Variants in PRKRIP1 observed in about 807,000 individuals in gnomAD.
PRKRIP1 encodes the protein PRKR-interacting protein 1.
A neutral mutation model predicts 29.3 loss-of-function variants in PRKRIP1; 29 were observed. The observed-to-expected ratio is 0.99, with a 90% confidence interval of 0.74 to 1.35. The LOEUF (loss-of-function observed/expected upper bound fraction) is 1.35, where lower values mean the gene tolerates loss of function less well. Ranked by LOEUF, PRKRIP1 falls within the 40% of genes most tolerant of loss-of-function variation. The pLI, the probability that PRKRIP1 is intolerant of heterozygous loss-of-function variation, is 0.00. For missense variants in PRKRIP1, 247 were observed against 236.8 expected, an observed-to-expected ratio of 1.04 and a Z score of -0.28; for synonymous variants, 90 against 85.1, an observed-to-expected ratio of 1.06 and a Z score of -0.32.
At chr7:102,407,411 T>G in intron 4 of PRKRIP1, 23 bp from the exon 5 acceptor site, 1 of 1,476,718 alleles carries the variant, frequency 6.8e-7, no homozygotes. Context: ...AAGGAATCAA[T>G]GTATATGGTT....
chr7:102,424,177 G>T (rs911403789), intron 5 of PRKRIP1, among the ~76,000 whole-genome samples: 1 of 152,264 alleles, frequency 6.6e-6, no homozygotes, highest in East Asian at 1.9e-4. Context: ...GAGGCCCTTT[G>T]TCTGACCTTT....
At chr7:102,419,972 C>G (rs1373046106) in intron 5 of PRKRIP1, among the ~76,000 whole-genome samples, 5 of 151,854 alleles carry the variant, frequency 3.3e-5, no homozygotes, top group African/African-American at 1.2e-4. Context: ...CCTCCGCCCC[C>G]TGGGTTCACA....
intron 5 of PRKRIP1, among the ~76,000 whole-genome samples, chr7:102,414,579 T>C (rs1411596744): frequency 6.6e-6 from 1 of 151,994 alleles, no homozygotes; most frequent in Non-Finnish European, 1.5e-5. Context: ...CTTTCTGGGG[T>C]GATAGATTAA....
At chr7:102,399,440 G>C (rs1554570900) in intron 2 of PRKRIP1, 108 bp from the exon 3 acceptor site, 1 of 810,682 alleles carries the variant, frequency 1.2e-6, no homozygotes, top group Non-Finnish European at 2.1e-6. Flanking sequence ...AGGAAGGCAT[G>C]GTCCCTTCCA....
intron 5 of PRKRIP1, among the ~76,000 whole-genome samples, chr7:102,420,149 G>T (rs1796658326): frequency 6.6e-6 from 1 of 152,144 alleles, no homozygotes; most frequent in Admixed American, 6.5e-5. Flanking sequence ...GCCTCCCAAA[G>T]TGCTGGGATT....
chr7:102,423,942 G>GT lies in PRKRIP1; in HGVS notation c.458-1071dup, dbSNP rs1276193223. On this transcript the variant is annotated intron_variant, in intron 5 of 5. Transcript: ENST00000397912. The stretch of plus-strand genomic sequence containing the variant: ...CTCCCAAAGTGCTGGGATTACAGGT[G>GT]TGTGCCATTGCACCCGGCTTCCCCG... Among the ~76,000 whole-genome samples the GT allele has an allele frequency of 5.9e-5, 9 of 152,362 alleles. No homozygotes were observed. In the East Asian group the frequency reaches 1.7e-3, roughly 29 times the overall value.
At chr7:102,399,699 G>C in intron 3 of PRKRIP1, 51 bp downstream of exon 3, 1 of 1,429,688 alleles carries the variant, frequency 7.0e-7, no homozygotes, top group South Asian at 1.1e-5. Flanking sequence ...CAGTGTGCGT[G>C]TACTTTCTTT....
rs895247532 is a variant in PRKRIP1 at position 102,396,400 on chromosome 7, T to A, written c.-12T>A. The A allele has an allele frequency of 8.4e-6, 13 of 1,543,962 alleles. No homozygotes were observed. The highest frequency in any genetic ancestry group is 1.1e-5 in the Non-Finnish European group (13 of 1,152,102). On this transcript the variant is annotated 5_prime_UTR_variant, in exon 1 of 6. Coordinates refer to ENST00000397912, the MANE Select transcript of PRKRIP1 (RefSeq NM_024653.4). Reference sequence around the variant, plus strand: ...CGACGCCGCCGCTCGCTTGTGAAACTGGAAGGCTGCCATGGCTAGCCCAGC... The same window carrying A: ...CGACGCCGCCGCTCGCTTGTGAAACAGGAAGGCTGCCATGGCTAGCCCAGC...
intron 4 of PRKRIP1, 46 bp from the exon 5 acceptor site, chr7:102,407,388 C>G (rs1796261067): frequency 8.1e-7 from 1 of 1,241,424 alleles, no homozygotes; most frequent in Non-Finnish European, 1.2e-6. Flanking sequence ...CTAAAATATA[C>G]CATAATGTAG....
intron 5 of PRKRIP1, among the ~76,000 whole-genome samples, chr7:102,413,960 GCTCACAC>G (rs1796465169): frequency 6.6e-6 from 1 of 152,178 alleles, no homozygotes; most frequent in African/African-American, 2.4e-5. Flanking sequence ...AGGTGCGGCG[GCTCACAC>G]CTGTAATCAT....
chr7:102,416,683 G>GT (rs11455142), intron 5 of PRKRIP1, among the ~76,000 whole-genome samples: 119,509 of 143,068 alleles, frequency 0.84, 49,511 homozygotes, highest in East Asian at 0.99. Context: ...TTTGTGGGGT[G>GT]TTTTTTTTTT....
At chr7:102,408,564 C>G (rs571387886) in intron 5 of PRKRIP1, among the ~76,000 whole-genome samples, 7 of 152,296 alleles carry the variant, frequency 4.6e-5, no homozygotes, top group African/African-American at 1.7e-4. Context: ...GGGGCCCCAG[C>G]TGGAAAGGGC....
intron 5 of PRKRIP1, among the ~76,000 whole-genome samples, chr7:102,424,227 C>T (rs782315336): frequency 5.0e-4 from 76 of 152,332 alleles, no homozygotes; most frequent in Non-Finnish European, 5.6e-4. Flanking sequence ...CTGTAGTGGG[C>T]GTGTGGGTGG....
At chr7:102,415,741 C>T (rs1054017247) in intron 5 of PRKRIP1, among the ~76,000 whole-genome samples, 5 of 152,248 alleles carry the variant, frequency 3.3e-5, no homozygotes, top group South Asian at 4.1e-4. Context: ...AGGCACCATG[C>T]GGTGATGGCA....
intron 3 of PRKRIP1, among the ~76,000 whole-genome samples, chr7:102,401,744 AAAAC>A (rs1796079489): frequency 6.6e-6 from 1 of 152,008 alleles, no homozygotes; most frequent in Non-Finnish European, 1.5e-5. Flanking sequence ...AAAAAAAACA[AAAAC>A]AAAAATTAAC....
chr7:102,420,858 AG>A (rs1314777187), intron 5 of PRKRIP1, among the ~76,000 whole-genome samples: 1 of 152,186 alleles, frequency 6.6e-6, no homozygotes, highest in Non-Finnish European at 1.5e-5. Context: ...CGGATTATTC[AG>A]TGTCTCCCAG....
At chr7:102,422,143 A>AATT (rs34497895) in intron 5 of PRKRIP1, among the ~76,000 whole-genome samples, 58,222 of 132,932 alleles carry the variant, frequency 0.44, 13,623 homozygotes, top group Non-Finnish European at 0.49. Context: ...TCATACACAA[A>AATT]ATTATTATTA....
Position 102,426,357 on chromosome 7 carries a change from G to A in PRKRIP1, c.*1246G>A, listed in dbSNP as rs1586701098. The A allele has an allele frequency of 6.5e-6, 1 of 152,712 alleles. No homozygotes were observed. Among genetic ancestry groups the A allele is most frequent in the South Asian group, 2.1e-4 (1 of 4,850 alleles). The allele number at this position is 152,712 out of a possible 1,614,324, so 9.5% of individuals were successfully genotyped here. A position where few individuals can be genotyped will look rare whatever the true frequency, so the allele number is the denominator to read the frequency against. On this transcript the variant is annotated 3_prime_UTR_variant, in exon 6 of 6. Coordinates refer to ENST00000397912, the MANE Select transcript of PRKRIP1 (RefSeq NM_024653.4). Reference sequence around the variant, plus strand: ...TTTTGAGGCCAACAGGGACGACAGAGACAGTTTCTAGTTAGAGCCTTGGCT... The same window carrying A: ...TTTTGAGGCCAACAGGGACGACAGAAACAGTTTCTAGTTAGAGCCTTGGCT...
intron 4 of PRKRIP1, among the ~76,000 whole-genome samples, chr7:102,406,528 C>T (rs1554571854): frequency 6.6e-6 from 1 of 152,194 alleles, no homozygotes; most frequent in Non-Finnish European, 1.5e-5. Context: ...GCTTCAAATG[C>T]TGAATGACTG....
Sources: gnomAD v4.1 joint callset for allele counts (sites outside exome capture counted in the v4.1 genomes callset) on GRCh38, gnomAD v4.1.1 for gene constraint, MANE v1.5 for transcripts, NCBI Gene and HGNC (gene_info 2026-07-23, HGNC 2026-07-21) for gene names.